The following AR variants were observed in gnomAD, a reference collection of about 807,000 sequenced individuals.
AR encodes the protein dihydrotestosterone receptor.
A neutral mutation model predicts 53.9 loss-of-function variants in AR; 8 were observed. The observed-to-expected ratio is 0.15, with a 90% CI of 0.09 to 0.27. The LOEUF is 0.27. AR is among the 10% of genes least tolerant of loss of function. The pLI, the probability that AR is intolerant of heterozygous loss-of-function variation, is 1.00. For synonymous variants in AR, 359 were observed against 316.4 expected (o/e 1.13, Z -1.43); for missense variants, 639 against 742.5 (o/e 0.86, Z 1.62).
chrX:67,634,160 C>T (rs1925312667), intron 1 of AR, among the ~76,000 whole-genome samples: 1 of 111,182 alleles, frequency 9.0e-6, no homozygotes, highest in African/African-American at 3.3e-5. Flanking sequence ...GAAATAGTCC[C>T]AAGTATAATT....
intron 1 of AR, among the ~76,000 whole-genome samples, chrX:67,632,234 C>A (rs1925182578): frequency 8.8e-6 from 1 of 113,537 alleles, no homozygotes; most frequent in Admixed American, 9.2e-5. Context: ...GCCCCTCCCC[C>A]AGCCTCGCTG....
intron 3 of AR, among the ~76,000 whole-genome samples, chrX:67,698,628 T>C (rs2076030561): frequency 8.9e-6 from 1 of 112,884 alleles, no homozygotes; most frequent in African/African-American, 3.2e-5. Flanking sequence ...TTTGTAGCCC[T>C]ACACCAAACA....
rs199554641 is a variant in AR, at chrX:67,545,792, G to C, written c.646G>C (p.Gly216Arg). Residue 216 changes from glycine to arginine, a missense_variant, in exon 1 of 8, where the codon GGG (glycine) becomes CGG (arginine). Physicochemically the swap from Gly to Arg is moderately radical, Grantham distance 125 (BLOSUM62 -2). Around this residue, in one of 5 missense-constraint regions of AR, gnomAD observed 423 missense variants for 377.0 expected, o/e 1.12. Coordinates refer to ENST00000374690, the MANE Select transcript of AR (RefSeq NM_000044.6). Reference sequence around the variant, plus strand: ...CAGCGGGAGAGCGAGGGAGGCCTCGGGGGCTCCCACTTCCTCCAAGGACAA... The same window carrying C: ...CAGCGGGAGAGCGAGGGAGGCCTCGCGGGCTCCCACTTCCTCCAAGGACAA... ...SSSGRAREAS[G>R]APTSSKDNYL... 21 of 1,210,665 alleles carry C rather than the reference G, an allele frequency of 1.7e-5. No homozygotes were observed. The highest frequency in any genetic ancestry group is 2.2e-5 in the Non-Finnish European group (20 of 895,341).
At chrX:67,548,007 G>A (rs1929836597) in intron 1 of AR, among the ~76,000 whole-genome samples, 1 of 112,145 alleles carries the variant, frequency 8.9e-6, no homozygotes, top group Admixed American at 9.4e-5. Flanking sequence ...AGACTGAATT[G>A]GGGAATTAAC....
intron 1 of AR, among the ~76,000 whole-genome samples, chrX:67,640,223 A>AT (rs993428678): frequency 9.0e-6 from 1 of 110,796 alleles, no homozygotes; most frequent in Middle Eastern, 4.6e-3. Flanking sequence ...GTTTGCCAGT[A>AT]TTTTTTTATT....
intron 3 of AR, among the ~76,000 whole-genome samples, chrX:67,700,305 T>C (rs1226452362): frequency 1.8e-5 from 2 of 111,779 alleles, no homozygotes; most frequent in African/African-American, 6.5e-5. Flanking sequence ...GTATCTTATA[T>C]GAAAGAATTA....
intron 7 of AR, 104 bp from the exon 8 acceptor site, chrX:67,723,582 G>A: frequency 2.1e-6 from 2 of 939,683 alleles, no homozygotes; most frequent in Non-Finnish European, 3.0e-6. Context: ...GGAAGGGGGA[G>A]GAAACAAAAG....
intron 2 of AR, among the ~76,000 whole-genome samples, chrX:67,663,469 T>C (rs1368952212): frequency 2.7e-5 from 3 of 112,625 alleles, no homozygotes; most frequent in Non-Finnish European, 5.6e-5. Context: ...CTCTTCTGGC[T>C]TGTAGAGTTT....
At chrX:67,615,097 G>A (rs191368672) in intron 1 of AR, among the ~76,000 whole-genome samples, 1 of 110,568 alleles carries the variant, frequency 9.0e-6, no homozygotes, top group African/African-American at 3.3e-5. Context: ...CCAAAGAAAT[G>A]TAGGACATCT....
chrX:67,673,422 C>A (rs1158562102), intron 2 of AR, among the ~76,000 whole-genome samples: 1 of 104,742 alleles, frequency 9.5e-6, no homozygotes. Flanking sequence ...TTAGATTTGC[C>A]CTTTTGAGGC....
intron 2 of AR, among the ~76,000 whole-genome samples, chrX:67,674,825 G>T (rs2075889737): frequency 9.0e-6 from 1 of 111,493 alleles, no homozygotes; most frequent in Non-Finnish European, 1.9e-5. Context: ...CAAGCTGCAA[G>T]ACAAAGTCCT....
chrX:67,715,601 G>A (rs1014147778), intron 4 of AR, among the ~76,000 whole-genome samples: 3 of 112,011 alleles, frequency 2.7e-5, no homozygotes, highest in Non-Finnish European at 3.8e-5. Flanking sequence ...ACCTTCATTA[G>A]TGGAGTAGAA....
intron 1 of AR, among the ~76,000 whole-genome samples, chrX:67,621,426 G>A (rs1430075558): frequency 4.5e-5 from 5 of 110,866 alleles, no homozygotes; most frequent in Non-Finnish European, 7.6e-5. Flanking sequence ...TTGTTACATA[G>A]GTATACACGT....
At chrX:67,611,259 A>C (rs1602191234) in intron 1 of AR, among the ~76,000 whole-genome samples, 1 of 111,699 alleles carries the variant, frequency 9.0e-6, no homozygotes, top group Non-Finnish European at 1.9e-5. Flanking sequence ...AGTAAATCTG[A>C]TAAGTATAAA....
chrX:67,632,648 G>T (rs1025295378), intron 1 of AR, among the ~76,000 whole-genome samples: 1 of 111,641 alleles, frequency 9.0e-6, no homozygotes, highest in Non-Finnish European at 1.9e-5. Context: ...TTCCTATTCG[G>T]CCATCTTGGC....
At chrX:67,700,130 A>G (rs2076036537) in intron 3 of AR, among the ~76,000 whole-genome samples, 1 of 111,675 alleles carries the variant, frequency 9.0e-6, no homozygotes, top group Non-Finnish European at 1.9e-5. Context: ...CCCCTTGCCA[A>G]TGGCCCTTTC....
intron 2 of AR, among the ~76,000 whole-genome samples, chrX:67,670,916 T>C (rs1433875627): frequency 9.0e-6 from 1 of 111,486 alleles, no homozygotes; most frequent in African/African-American, 3.3e-5. Flanking sequence ...TCCATGTCCC[T>C]GCAAAGGACA....
chrX:67,556,012 G>A (rs1921036886), intron 1 of AR, among the ~76,000 whole-genome samples: 1 of 112,267 alleles, frequency 8.9e-6, no homozygotes, highest in African/African-American at 3.2e-5. Flanking sequence ...ACCTTTCTTT[G>A]CATATGGAGC....
At chrX:67,695,003 G>C in intron 3 of AR, 2 of 899,042 alleles carry the variant, frequency 2.2e-6, no homozygotes, top group Non-Finnish European at 2.7e-6. Flanking sequence ...CTGTAATGTG[G>C]CTTGGCATTG....
Sources: gnomAD v4.1 joint callset for allele counts (sites outside exome capture counted in the v4.1 genomes callset) on GRCh38, gnomAD v4.1.1 for gene constraint, gnomAD v4.1.1 regional missense constraint, MANE v1.5 for transcripts, NCBI Gene and HGNC (gene_info 2026-07-23, HGNC 2026-07-21) for gene names.